The following HPSE2 variants were observed in gnomAD, a reference collection of about 807,000 sequenced individuals.
HPSE2 encodes the protein heparanase 2 (inactive).
A neutral mutation model predicts 60.5 loss-of-function variants in HPSE2; 38 were observed. The ratio of observed to expected loss-of-function variants is 0.63; its 90% confidence interval spans 0.48 to 0.82. The LOEUF is 0.82. Among genes scored for constraint, HPSE2 ranks in the 40% least tolerant of loss-of-function variants. The pLI is 0.00. For synonymous variants in HPSE2, 295 were observed against 293.2 expected, an observed-to-expected ratio of 1.01 and a Z score of -0.06; for missense variants, 713 against 740.4, an observed-to-expected ratio of 0.96 and a Z score of 0.43.
intron 3 of HPSE2, among the ~76,000 whole-genome samples, chr10:98,811,967 G>C (rs561083378): frequency 6.6e-6 from 1 of 152,146 alleles, no homozygotes; most frequent in Non-Finnish European, 1.5e-5. Flanking sequence ...ATTTGTGATT[G>C]TTAATTGTTA....
At position 99,024,668 on chromosome 10, in the gene HPSE2, A is replaced by C. The variant is rs533172256; in HGVS notation, c.610+119570T>G. Among the ~76,000 whole-genome samples, 53 of 152,322 alleles carry C rather than the reference A, an allele frequency of 3.5e-4. No individual in the cohort carries two copies. In the East Asian group the frequency reaches 4.6e-3, roughly 13 times the overall value. On this transcript the variant is annotated intron_variant, in intron 3 of 11. Transcript: ENST00000370552. ...TCAAGGATAAAGAAGGGACCCTAAAAGCAGCAAGAAAAAAGAAACAAATAA... is the reference window on the plus strand; with the variant it reads ...TCAAGGATAAAGAAGGGACCCTAAACGCAGCAAGAAAAAAGAAACAAATAA...
intron 9 of HPSE2, among the ~76,000 whole-genome samples, chr10:98,579,164 C>A (rs7083582): frequency 0.56 from 85,415 of 151,640 alleles, 24,258 homozygotes; most frequent in Middle Eastern, 0.64. Context: ...ATTGCATCAG[C>A]AGCTCTGATG....
intron 3 of HPSE2, among the ~76,000 whole-genome samples, chr10:98,904,756 T>C (rs1350545004): frequency 1.3e-5 from 2 of 152,022 alleles, no homozygotes; most frequent in Non-Finnish European, 2.9e-5. Context: ...TGGAAGAAAT[T>C]ATAAGCTAAA....
intron 3 of HPSE2, among the ~76,000 whole-genome samples, chr10:98,815,661 G>A (rs997386846): frequency 2.6e-5 from 4 of 152,098 alleles, no homozygotes; most frequent in African/African-American, 7.2e-5. Context: ...TCAAGTCAGC[G>A]GGGTTCCAAC....
chr10:98,883,433 A>G (rs1439851583), intron 3 of HPSE2, among the ~76,000 whole-genome samples: 1 of 152,132 alleles, frequency 6.6e-6, no homozygotes, highest in African/African-American at 2.4e-5. Context: ...TAAGTTAATA[A>G]CAGCTTTTAT....
chr10:99,261,857 C>T, the HPSE2 span, among the ~76,000 whole-genome samples: 1 of 152,224 alleles, frequency 6.6e-6, no homozygotes, highest in South Asian at 2.1e-4. Context: ...CCCCCAGGAT[C>T]TTGCTTCAAG....
intron 9 of HPSE2, among the ~76,000 whole-genome samples, chr10:98,561,803 G>A (rs937573835): frequency 2.0e-5 from 3 of 152,196 alleles, no homozygotes; most frequent in Admixed American, 1.3e-4. Flanking sequence ...AGCTGAGATC[G>A]TGCCACTGCA....
intron 3 of HPSE2, among the ~76,000 whole-genome samples, chr10:98,830,512 G>C (rs117850143): frequency 3.3e-5 from 5 of 152,144 alleles, no homozygotes; most frequent in Non-Finnish European, 4.4e-5. Flanking sequence ...ACAGAACACT[G>C]GGCCTCAGAG....
At chr10:98,570,232 T>C (rs535626481) in intron 9 of HPSE2, among the ~76,000 whole-genome samples, 14 of 152,316 alleles carry the variant, frequency 9.2e-5, no homozygotes, top group African/African-American at 3.4e-4. Context: ...GAGCCTTGTT[T>C]CATTTACCTG....
chr10:98,754,074 A>C (rs1949821552), intron 3 of HPSE2, among the ~76,000 whole-genome samples: 1 of 152,182 alleles, frequency 6.6e-6, no homozygotes, highest in South Asian at 2.1e-4. Flanking sequence ...GATTCAGGAG[A>C]AAGTCAAAAC....
chr10:98,634,075 T>C (rs747536428), intron 7 of HPSE2, among the ~76,000 whole-genome samples: 1 of 152,198 alleles, frequency 6.6e-6, no homozygotes, highest in Non-Finnish European at 1.5e-5. Context: ...GCATAGCTCA[T>C]AGGGCTGTCT....
At chr10:98,908,598 A>G (rs958784699) in intron 3 of HPSE2, among the ~76,000 whole-genome samples, 2 of 138,632 alleles carry the variant, frequency 1.4e-5, no homozygotes. Context: ...CAGGAGAATC[A>G]CTTGAATCCG....
At chr10:98,508,365 T>G (rs7899619) in intron 9 of HPSE2, among the ~76,000 whole-genome samples, 139,515 of 152,232 alleles carry the variant, frequency 0.92, 65,068 homozygotes, top group East Asian at 1. Flanking sequence ...CTGACAGAAG[T>G]TTACAGAATT....
chr10:98,791,262 G>A (rs1950649522), intron 3 of HPSE2, among the ~76,000 whole-genome samples: 1 of 152,132 alleles, frequency 6.6e-6, no homozygotes. Context: ...GGAGGAGGGA[G>A]CAAATGCAAT....
intron 2 of HPSE2, among the ~76,000 whole-genome samples, chr10:99,224,771 A>G (rs1443133622): frequency 2.6e-5 from 4 of 152,126 alleles, no homozygotes; most frequent in African/African-American, 9.7e-5. Context: ...GTACAGTTGC[A>G]TTGTACAAAA....
At chr10:98,646,891 G>C (rs917124533) in intron 6 of HPSE2, among the ~76,000 whole-genome samples, 16 of 152,150 alleles carry the variant, frequency 1.1e-4, no homozygotes, top group Admixed American at 1.0e-3. Flanking sequence ...ACAACACCTA[G>C]AGAAGCTCAT....
intron 6 of HPSE2, among the ~76,000 whole-genome samples, chr10:98,649,374 T>C (rs1438775536): frequency 1.3e-5 from 2 of 152,196 alleles, no homozygotes; most frequent in Non-Finnish European, 2.9e-5. Context: ...CTCTCTATTT[T>C]GCAGATTAGA....
At chr10:99,014,269 T>C (rs943397813) in intron 3 of HPSE2, among the ~76,000 whole-genome samples, 2 of 152,254 alleles carry the variant, frequency 1.3e-5, no homozygotes, top group South Asian at 2.1e-4. Context: ...GCTCCATCCA[T>C]GTCCCTGCAA....
chr10:98,966,597 T>C (rs1955820282), intron 3 of HPSE2, among the ~76,000 whole-genome samples: 1 of 152,216 alleles, frequency 6.6e-6, no homozygotes, highest in African/African-American at 2.4e-5. Context: ...TTTTGAATGT[T>C]GCTCTTCTAC....
Sources: gnomAD v4.1 joint callset for allele counts (sites outside exome capture counted in the v4.1 genomes callset) on GRCh38, gnomAD v4.1.1 for gene constraint, MANE v1.5 for transcripts, NCBI Gene and HGNC (gene_info 2026-07-23, HGNC 2026-07-21) for gene names.